Variants in GABRB1 observed in about 807,000 individuals in gnomAD.
GABRB1 encodes the protein gamma-aminobutyric acid receptor subunit beta-1.
In GABRB1, 17 loss-of-function variants were observed where a neutral mutation model predicts 51.6. The ratio of observed to expected loss-of-function variants is 0.33; its 90% CI spans 0.23 to 0.49. The LOEUF (loss-of-function observed/expected upper bound fraction) is 0.49, where lower values mean the gene tolerates loss of function less well. Among genes scored for constraint, GABRB1 ranks in the 20% least tolerant of loss-of-function variants. The pLI, the probability that GABRB1 is intolerant of heterozygous loss-of-function variation, is 0.99. For synonymous variants in GABRB1, 247 were observed against 218.9 expected (o/e 1.13, Z -1.14); for missense variants, 410 against 600.6 (o/e 0.68, Z 3.32).
intron 3 of GABRB1, among the ~76,000 whole-genome samples, chr4:47,119,527 A>G (rs1282327355): frequency 7.8e-6 from 1 of 127,984 alleles, no homozygotes; most frequent in Non-Finnish European, 1.6e-5. Context: ...TTTTTTTTTG[A>G]GACTGAGTTT....
intron 5 of GABRB1, among the ~76,000 whole-genome samples, chr4:47,380,280 T>C (rs938432815): frequency 2.0e-5 from 3 of 152,200 alleles, no homozygotes; most frequent in African/African-American, 7.2e-5. Flanking sequence ...TAAAAGATAA[T>C]CTTCGACAGG....
intron 4 of GABRB1, among the ~76,000 whole-genome samples, chr4:47,223,025 C>T (rs1316690606): frequency 2.0e-5 from 3 of 152,036 alleles, no homozygotes; most frequent in African/African-American, 7.2e-5. Context: ...TGTAGTACCC[C>T]AGGTTCTTCA....
intron 4 of GABRB1, among the ~76,000 whole-genome samples, chr4:47,273,991 AC>A (rs1722975917): frequency 1.3e-5 from 2 of 152,228 alleles, no homozygotes; most frequent in South Asian, 4.2e-4. Flanking sequence ...ATACATGTAT[AC>A]ATTTACACTC....
chr4:47,238,296 G>T (rs554335957), intron 4 of GABRB1, among the ~76,000 whole-genome samples: 1 of 151,996 alleles, frequency 6.6e-6, no homozygotes, highest in Non-Finnish European at 1.5e-5. Flanking sequence ...TCATTATACC[G>T]ATTCTGCTTA....
At chr4:47,201,640 G>A (rs1344463877) in intron 4 of GABRB1, among the ~76,000 whole-genome samples, 3 of 151,946 alleles carry the variant, frequency 2.0e-5, no homozygotes, top group African/African-American at 7.3e-5. Flanking sequence ...TCTGGGTGGT[G>A]GGTATATATA....
At chr4:47,376,581 A>G (rs1162129024) in intron 5 of GABRB1, among the ~76,000 whole-genome samples, 1 of 152,202 alleles carries the variant, frequency 6.6e-6, no homozygotes, top group Admixed American at 6.5e-5. Context: ...CGGGAGGCGG[A>G]GCTTGCAGTG....
At chr4:47,270,252 A>G (rs1722819615) in intron 4 of GABRB1, among the ~76,000 whole-genome samples, 1 of 152,156 alleles carries the variant, frequency 6.6e-6, no homozygotes. Flanking sequence ...TGTGCATTAT[A>G]AGCTACTGTT....
intron 4 of GABRB1, among the ~76,000 whole-genome samples, chr4:47,185,012 C>G (rs758569708): frequency 3.3e-5 from 5 of 151,958 alleles, no homozygotes; most frequent in African/African-American, 4.8e-5. Flanking sequence ...AACAGGCCTT[C>G]CCACAGCCAC....
chr4:47,202,770 T>C (rs1204858154), intron 4 of GABRB1, among the ~76,000 whole-genome samples: 1 of 152,144 alleles, frequency 6.6e-6, no homozygotes, highest in Non-Finnish European at 1.5e-5. Flanking sequence ...TTCCCAGTAA[T>C]GGAAAAATCC....
Position 47,337,877 on chromosome 4 carries a change from C to T in GABRB1, c.544+17668C>T, listed in dbSNP as rs186217881. 1.5e-4 allele frequency among the ~76,000 whole-genome samples: 22 copies of T among 151,222 alleles called. No individual in the cohort carries two copies. The East Asian group carries it at 4.3e-3, about 29-fold the overall frequency. On this transcript the variant is annotated intron_variant, in intron 5 of 8. Coordinates refer to ENST00000295454, the MANE Select transcript of GABRB1 (RefSeq NM_000812.4). Reference sequence around the variant, plus strand: ...GTCATTAAAATATCATGTAAAGTGCCCAGTACAGTCCTTACTGCATTTTAA... The same window carrying T: ...GTCATTAAAATATCATGTAAAGTGCTCAGTACAGTCCTTACTGCATTTTAA...
At chr4:47,389,033 T>G (rs1727894692) in intron 5 of GABRB1, among the ~76,000 whole-genome samples, 1 of 152,132 alleles carries the variant, frequency 6.6e-6, no homozygotes, top group African/African-American at 2.4e-5. Flanking sequence ...AGAATGGACT[T>G]AGAGGTATGA....
At chr4:47,331,479 G>A (rs759164269) in intron 5 of GABRB1, among the ~76,000 whole-genome samples, 13 of 152,010 alleles carry the variant, frequency 8.6e-5, no homozygotes, top group African/African-American at 1.2e-4. Flanking sequence ...ATGGGCAAGC[G>A]GCTGTGTAGA....
At chr4:47,231,507 A>G (rs1470470642) in intron 4 of GABRB1, among the ~76,000 whole-genome samples, 1 of 152,202 alleles carries the variant, frequency 6.6e-6, no homozygotes, top group African/African-American at 2.4e-5. Flanking sequence ...TGTGGCTGTA[A>G]ATGTACTTAG....
chr4:47,011,034 TAG>T (rs1724567176), intron 1 of GABRB1, among the ~76,000 whole-genome samples: 1 of 152,006 alleles, frequency 6.6e-6, no homozygotes, highest in Admixed American at 6.6e-5. Flanking sequence ...GTTAAAACAT[TAG>T]AGAGTTAACA....
intron 4 of GABRB1, among the ~76,000 whole-genome samples, chr4:47,305,761 A>C (rs1176033405): frequency 6.6e-6 from 1 of 152,198 alleles, no homozygotes; most frequent in Non-Finnish European, 1.5e-5. Context: ...TTAAATACCA[A>C]TTAGGTATAG....
intron 3 of GABRB1, among the ~76,000 whole-genome samples, chr4:47,119,509 T>A (rs1210038582): frequency 7.8e-6 from 1 of 128,290 alleles, no homozygotes; most frequent in Non-Finnish European, 1.6e-5. Context: ...TCTTTTTCTT[T>A]CTTTTTTTTT....
chr4:47,412,613 G>A (rs960499721), intron 8 of GABRB1, among the ~76,000 whole-genome samples: 9 of 152,230 alleles, frequency 5.9e-5, no homozygotes, highest in East Asian at 3.9e-4. Flanking sequence ...TGGGAGTAAC[G>A]CCCAAGGTTC....
chr4:47,243,614 G>A (rs9857318), intron 4 of GABRB1, among the ~76,000 whole-genome samples: 1 of 152,192 alleles, frequency 6.6e-6, no homozygotes, highest in African/African-American at 2.4e-5. Context: ...TCCCTTGTAA[G>A]TTGGATTCCT....
chr4:47,188,738 A>T (rs571820577), intron 4 of GABRB1, among the ~76,000 whole-genome samples: 1 of 152,160 alleles, frequency 6.6e-6, no homozygotes, highest in African/African-American at 2.4e-5. Context: ...CATTTAATCA[A>T]CTAACATGTT....
Sources: gnomAD v4.1 joint callset for allele counts (sites outside exome capture counted in the v4.1 genomes callset) on GRCh38, gnomAD v4.1.1 for gene constraint, MANE v1.5 for transcripts, NCBI Gene and HGNC (gene_info 2026-07-23, HGNC 2026-07-21) for gene names.